Variants in CAMKMT observed in about 807,000 individuals in gnomAD.
CAMKMT encodes the protein CaM KMT.
A neutral mutation model predicts 48.0 loss-of-function variants in CAMKMT; 53 were observed. That is an observed-to-expected ratio of 1.10 (90% CI 0.89 to 1.39). The LOEUF is 1.39. Ranked by LOEUF, CAMKMT falls within the 40% of genes most tolerant of loss-of-function variation. The pLI is 0.00. For missense variants in CAMKMT, 428 were observed against 402.7 expected, an observed-to-expected ratio of 1.06 and a Z score of -0.54; for synonymous variants, 165 against 152.3, an observed-to-expected ratio of 1.08 and a Z score of -0.61.
rs1298772909 is a variant in CAMKMT, at chr2:44,400,638, C to G, written c.376+10333C>G. On this transcript the variant is annotated intron_variant, in intron 3 of 10. Coordinates refer to ENST00000378494, the MANE Select transcript of CAMKMT (RefSeq NM_024766.5). The stretch of plus-strand genomic sequence containing the variant: ...GGTGATAAGCCTTTTTAAAAAAATT[C>G]AACAAGTTAATCATTAATCTTTGGG... 2.0e-5 allele frequency: 3 copies of G among 151,792 alleles called. No homozygotes were observed. In the East Asian group the frequency reaches 5.8e-4, roughly 29 times the overall value. 9.4% of individuals were successfully genotyped at this position (151,792 alleles called of 1,614,324 possible). A position where few individuals can be genotyped will look rare whatever the true frequency, so the allele number is the denominator to read the frequency against.
At chr2:44,379,740 A>T (rs534494323) in intron 2 of CAMKMT, among the ~76,000 whole-genome samples, 10 of 150,636 alleles carry the variant, frequency 6.6e-5, no homozygotes, top group Middle Eastern at 3.4e-3. Flanking sequence ...AGAAATGCCT[A>T]TTCAAGTTCT....
chr2:44,475,996 C>G (rs1016185434), intron 3 of CAMKMT, among the ~76,000 whole-genome samples: 1 of 152,124 alleles, frequency 6.6e-6, no homozygotes, highest in African/African-American at 2.4e-5. Context: ...AATACCATTG[C>G]ATTTGATTTT....
chr2:44,416,711 A>G (rs960877344), intron 3 of CAMKMT, among the ~76,000 whole-genome samples: 2 of 149,936 alleles, frequency 1.3e-5, no homozygotes, highest in Non-Finnish European at 3.0e-5. Context: ...AGTAGCTGTG[A>G]TTACAGGTGC....
At chr2:44,585,989 A>G (rs914105567) in intron 3 of CAMKMT, among the ~76,000 whole-genome samples, 6 of 152,230 alleles carry the variant, frequency 3.9e-5, no homozygotes, top group African/African-American at 1.4e-4. Context: ...CAGGGAAGCT[A>G]GAGGGTCCAG....
At chr2:44,748,605 G>A (rs1680017018) in intron 8 of CAMKMT, among the ~76,000 whole-genome samples, 1 of 152,142 alleles carries the variant, frequency 6.6e-6, no homozygotes, top group African/African-American at 2.4e-5. Context: ...AGACGCGGTG[G>A]CTCATGCCTG....
chr2:44,593,857 G>A lies in CAMKMT; in HGVS notation c.377-110426G>A, dbSNP rs186824633. ...CAGCTCACCACAACCTCTGCCTCCC[G>A]GGTTCAAGCGATTCTCCTGCCTCAG... On this transcript the variant is annotated intron_variant, in intron 3 of 10. Coordinates refer to ENST00000378494, the MANE Select transcript of CAMKMT (RefSeq NM_024766.5). 3.2e-3 allele frequency among the ~76,000 whole-genome samples: 473 copies of A among 145,740 alleles called. 6 individuals carry two copies. Among genetic ancestry groups the A allele is most frequent in the East Asian group, 6.4e-3 (32 of 5,034 alleles).
At chr2:44,751,626 G>C (rs1013234508) in intron 8 of CAMKMT, among the ~76,000 whole-genome samples, 2 of 152,280 alleles carry the variant, frequency 1.3e-5, no homozygotes, top group African/African-American at 4.8e-5. Context: ...ACGTGTCCTT[G>C]TGCCTGGCTT....
intron 3 of CAMKMT, among the ~76,000 whole-genome samples, chr2:44,465,391 A>T (rs1668058054): frequency 6.6e-6 from 1 of 152,186 alleles, no homozygotes. Context: ...TGAGGTTAGG[A>T]GTTCAAGACC....
intron 3 of CAMKMT, among the ~76,000 whole-genome samples, chr2:44,588,763 GCCC>G (rs1369480547): frequency 1.5e-4 from 6 of 40,446 alleles, no homozygotes; most frequent in Non-Finnish European, 2.0e-4. Flanking sequence ...CTGCCCGGCT[GCCC>G]CTACTGGGAA....
intron 3 of CAMKMT, among the ~76,000 whole-genome samples, chr2:44,703,079 C>G (rs977386886): frequency 6.6e-6 from 1 of 152,058 alleles, no homozygotes; most frequent in African/African-American, 2.4e-5. Flanking sequence ...GTGCAAGATG[C>G]CTGGTGCTCT....
chr2:44,581,371 T>C (rs1008817919), intron 3 of CAMKMT, among the ~76,000 whole-genome samples: 2 of 152,190 alleles, frequency 1.3e-5, no homozygotes, highest in African/African-American at 4.8e-5. Context: ...AGATCACATG[T>C]CAATGAGCAG....
intron 3 of CAMKMT, among the ~76,000 whole-genome samples, chr2:44,442,867 G>A (rs543258409): frequency 1.3e-5 from 2 of 152,286 alleles, no homozygotes; most frequent in Admixed American, 6.5e-5. Flanking sequence ...CACAGACCTA[G>A]ACTTCTTAAT....
chr2:44,580,584 A>G (rs1190392099), intron 3 of CAMKMT, among the ~76,000 whole-genome samples: 8 of 152,186 alleles, frequency 5.3e-5, no homozygotes, highest in Admixed American at 5.2e-4. Flanking sequence ...ATTTAGGGCC[A>G]CTAACATAGA....
At chr2:44,608,711 AT>A (rs1490158727) in intron 3 of CAMKMT, among the ~76,000 whole-genome samples, 1 of 152,088 alleles carries the variant, frequency 6.6e-6, no homozygotes, top group African/African-American at 2.4e-5. Context: ...AATCCACTGT[AT>A]TTGGCTGATA....
chr2:44,669,381 A>G (rs114227727), intron 3 of CAMKMT, among the ~76,000 whole-genome samples: 204 of 152,314 alleles, frequency 1.3e-3, no homozygotes, highest in Non-Finnish European at 2.3e-3. Flanking sequence ...CAAAGCTACT[A>G]TGGACATCCT....
At chr2:44,539,211 C>T (rs1458128223) in intron 3 of CAMKMT, among the ~76,000 whole-genome samples, 1 of 145,622 alleles carries the variant, frequency 6.9e-6, no homozygotes, top group Non-Finnish European at 1.5e-5. Context: ...AGGCTGAGGC[C>T]AGAGAATCAC....
chr2:44,477,296 G>T (rs1188354304), intron 3 of CAMKMT, among the ~76,000 whole-genome samples: 1 of 152,192 alleles, frequency 6.6e-6, no homozygotes, highest in Admixed American at 6.5e-5. Flanking sequence ...CAGGATTGGG[G>T]TGTACAGGTG....
At chr2:44,393,345 T>C (rs1213009880) in intron 3 of CAMKMT, 1 of 152,240 alleles carries the variant, frequency 6.6e-6, no homozygotes, top group African/African-American at 2.4e-5. Context: ...AGGTAACTTT[T>C]CATTGCTTGA....
chr2:44,635,104 T>C (rs62132321), intron 3 of CAMKMT, among the ~76,000 whole-genome samples: 5,989 of 152,276 alleles, frequency 0.039, 166 homozygotes, highest in Non-Finnish European at 0.063. Context: ...AAATATTAGA[T>C]GCTATGCAAG....
Sources: gnomAD v4.1 joint callset for allele counts (sites outside exome capture counted in the v4.1 genomes callset) on GRCh38, gnomAD v4.1.1 for gene constraint, MANE v1.5 for transcripts, NCBI Gene and HGNC (gene_info 2026-07-23, HGNC 2026-07-21) for gene names.